The following UNC79 variants were observed in gnomAD, a reference collection of about 807,000 sequenced individuals.
UNC79 encodes the protein unc-79 subunit of NALCN channel complex, also known as protein unc-79 homolog.
UNC79 carries 37 observed loss-of-function variants against 283.1 expected under a neutral mutation model. That is an observed-to-expected ratio of 0.13 (90% CI 0.10 to 0.17). The LOEUF is 0.17. Ranked by LOEUF, UNC79 falls within the 10% of genes least tolerant of loss-of-function variation. The probability of loss-of-function intolerance (pLI) is 1.00; values close to 1 mark genes in which losing one functional copy is unlikely to be tolerated. For missense variants in UNC79, 2,272 were observed against 3,211.1 expected, an observed-to-expected ratio of 0.71 and a Z score of 7.07; for synonymous variants, 1,107 against 1,200.2, an observed-to-expected ratio of 0.92 and a Z score of 1.61.
chr14:93,589,805 G>A (rs543309605), intron 22 of UNC79, among the ~76,000 whole-genome samples: 2 of 152,252 alleles, frequency 1.3e-5, no homozygotes, highest in South Asian at 4.2e-4. Flanking sequence ...GCTCATCCCT[G>A]TAATTCCAGC....
intron 1 of UNC79, among the ~76,000 whole-genome samples, chr14:93,431,316 G>T (rs2055867905): frequency 6.6e-6 from 1 of 151,880 alleles, no homozygotes; most frequent in African/African-American, 2.4e-5. Flanking sequence ...CCTGCGAAAT[G>T]AAATTAAAAT....
In UNC79 at chr14:93,430,808, C is replaced by G. The variant is rs1181236843; in HGVS notation, c.-222C>G. 7 of 497,508 alleles carry G rather than the reference C, an allele frequency of 1.4e-5. No individual in the cohort carries two copies. In the East Asian group the frequency reaches 2.5e-4, roughly 18 times the overall value. The allele number at this position is 497,508 out of a possible 1,614,324, so 30.8% of individuals were successfully genotyped here. On this transcript the variant is annotated 5_prime_UTR_variant, in exon 1 of 49. Coordinates refer to ENST00000555664, the Ensembl canonical transcript of UNC79. The surrounding 1 kb of genome is among the most constrained non-coding windows in gnomAD (Gnocchi z 4.6). Reference sequence around the variant, plus strand: ...GAAGCCTTTGGCCGCCTATTAAATCCCACCCATTTCTCCGGGGGCGATTTC... The same window carrying G: ...GAAGCCTTTGGCCGCCTATTAAATCGCACCCATTTCTCCGGGGGCGATTTC...
At chr14:93,550,161 G>C (rs2061798681) in intron 14 of UNC79, among the ~76,000 whole-genome samples, 2 of 152,112 alleles carry the variant, frequency 1.3e-5, no homozygotes, top group South Asian at 4.2e-4. Flanking sequence ...CACAAGGTTG[G>C]TTTATAAATT....
intron 30 of UNC79, among the ~76,000 whole-genome samples, chr14:93,624,323 C>G (rs2067378435): frequency 6.6e-6 from 1 of 152,270 alleles, no homozygotes; most frequent in Admixed American, 6.5e-5. Context: ...AAAAAACGGT[C>G]CTTGTTCATA....
chr14:93,410,609 A>G (rs974233054), intron 1 of UNC79, among the ~76,000 whole-genome samples: 8 of 152,164 alleles, frequency 5.3e-5, no homozygotes, highest in African/African-American at 1.9e-4. Flanking sequence ...TGTCTTGCAT[A>G]TTGGATACCA....
At chr14:93,337,699 C>T (rs2053608745) in intron 1 of UNC79, among the ~76,000 whole-genome samples, 1 of 152,172 alleles carries the variant, frequency 6.6e-6, no homozygotes, top group African/African-American at 2.4e-5. Flanking sequence ...ACACACCCCT[C>T]TGCTTGCCAT....
At position 93,514,552 on chromosome 14, in the gene UNC79, T is replaced by C. The variant is rs544837108; in HGVS notation, c.899-9426T>C. ...CTTGCAGAAGTTTGCTCTGAGCACA[T>C]GCGGGCCAAAGACCTGAGGGATGCC... is the stretch of plus-strand genomic sequence containing the variant. On this transcript the variant is annotated intron_variant, in intron 7 of 48. Transcript: ENST00000555664. Among the ~76,000 whole-genome samples, 15 of 152,334 alleles carry C rather than the reference T, an allele frequency of 9.8e-5. 1 individual carries two copies. The East Asian group carries it at 2.9e-3, about 29-fold the overall frequency.
chr14:93,563,227 G>A (rs2062671792), intron 14 of UNC79, among the ~76,000 whole-genome samples: 1 of 152,174 alleles, frequency 6.6e-6, no homozygotes, highest in African/African-American at 2.4e-5. Context: ...ACTGCCATGA[G>A]GGACAGAAGT....
intron 1 of UNC79, among the ~76,000 whole-genome samples, chr14:93,362,159 C>G (rs1051896572): frequency 6.6e-6 from 1 of 152,040 alleles, no homozygotes; most frequent in Non-Finnish European, 1.5e-5. Flanking sequence ...CTTTTTTCAT[C>G]GTGTCTCACC....
At chr14:93,570,321 G>C (rs1455128487) in intron 14 of UNC79, among the ~76,000 whole-genome samples, 1 of 152,196 alleles carries the variant, frequency 6.6e-6, no homozygotes, top group African/African-American at 2.4e-5. Context: ...TTAGGTCGGA[G>C]AGAAAATTTC....
intron 30 of UNC79, 54 bp downstream of exon 32, chr14:93,622,895 G>T: frequency 6.4e-7 from 1 of 1,572,586 alleles, no homozygotes; most frequent in South Asian, 1.2e-5. Flanking sequence ...TGTGCATCTT[G>T]TTTGATAGGG....
At chr14:93,490,573 G>C (rs2058675200) in intron 5 of UNC79, among the ~76,000 whole-genome samples, 1 of 152,172 alleles carries the variant, frequency 6.6e-6, no homozygotes, top group Non-Finnish European at 1.5e-5. Context: ...ATTCAGCCAA[G>C]TTCTTTGTCA....
At chr14:93,537,497 A>G (rs1221606853) in intron 11 of UNC79, among the ~76,000 whole-genome samples, 1 of 152,246 alleles carries the variant, frequency 6.6e-6, no homozygotes, top group Admixed American at 6.5e-5. Context: ...TGCGACAAGG[A>G]CAGAGGAGCT....
At chr14:93,334,539 CTTG>C (rs2053533277) in intron 1 of UNC79, 1 of 152,228 alleles carries the variant, frequency 6.6e-6, no homozygotes, top group African/African-American at 2.4e-5. Context: ...GTGTCCACCT[CTTG>C]TTCCACACTT....
At chr14:93,391,608 T>A (rs979935382) in intron 1 of UNC79, among the ~76,000 whole-genome samples, 1 of 152,200 alleles carries the variant, frequency 6.6e-6, no homozygotes, top group Non-Finnish European at 1.5e-5. Context: ...ATAATTTCTT[T>A]TTTTGAGACA....
intron 14 of UNC79, among the ~76,000 whole-genome samples, chr14:93,555,582 T>G (rs1250456984): frequency 6.6e-6 from 1 of 152,058 alleles, no homozygotes; most frequent in African/African-American, 2.4e-5. Context: ...TTTTGTATTT[T>G]TAGTAGAAAT....
intron 35 of UNC79, 93 bp from the exon 39 acceptor site, chr14:93,653,649 C>A: frequency 9.5e-7 from 1 of 1,050,312 alleles, no homozygotes; most frequent in Non-Finnish European, 1.4e-6. Flanking sequence ...CCATCAGAGG[C>A]ATGGTGTGCA....
chr14:93,672,343 A>C (rs528310370), intron 40 of UNC79, among the ~76,000 whole-genome samples: 1 of 152,232 alleles, frequency 6.6e-6, no homozygotes, highest in Non-Finnish European at 1.5e-5. Flanking sequence ...ATGAACTACT[A>C]TTCAACCATA....
At chr14:93,360,045 G>T (rs550592467) in intron 1 of UNC79, among the ~76,000 whole-genome samples, 2 of 152,290 alleles carry the variant, frequency 1.3e-5, no homozygotes, top group East Asian at 1.9e-4. Context: ...ACTTATGGAG[G>T]TAAGGTAATT....
Sources: gnomAD v4.1 joint callset for allele counts (sites outside exome capture counted in the v4.1 genomes callset) on GRCh38, gnomAD v4.1.1 for gene constraint, Gnocchi (gnomAD v3.1) non-coding constraint, MANE v1.5 for transcripts, NCBI Gene and HGNC (gene_info 2026-07-23, HGNC 2026-07-21) for gene names.